CTNNA2: variants seen among roughly 807,000 people sequenced by gnomAD.
CTNNA2 encodes the protein catenin alpha-2.
A neutral mutation model predicts 101.0 loss-of-function variants in CTNNA2; 42 were observed. The ratio of observed to expected loss-of-function variants is 0.42; its 90% confidence interval spans 0.32 to 0.54. CTNNA2 has a LOEUF of 0.54. Among genes scored for constraint, CTNNA2 ranks in the 20% least tolerant of loss-of-function variants. The probability of loss-of-function intolerance (pLI) is 0.14; values close to 1 mark genes in which losing one functional copy is unlikely to be tolerated. For missense variants in CTNNA2, 871 were observed against 1,223.1 expected, an observed-to-expected ratio of 0.71 and a Z score of 4.29; for synonymous variants, 450 against 456.4, an observed-to-expected ratio of 0.99 and a Z score of 0.18.
chr2:80,076,129 C>T (rs1249018325), intron 7 of CTNNA2, among the ~76,000 whole-genome samples: 2 of 152,052 alleles, frequency 1.3e-5, no homozygotes, highest in Non-Finnish European at 2.9e-5. Flanking sequence ...GTCCTCCCCA[C>T]CTTCTCAAAA....
intron 18 of CTNNA2, among the ~76,000 whole-genome samples, chr2:80,631,873 A>G (rs1329847039): frequency 6.6e-6 from 1 of 151,962 alleles, no homozygotes; most frequent in Non-Finnish European, 1.5e-5. Flanking sequence ...AAAGTGATGT[A>G]GTACTTTTTG....
intron 8 of CTNNA2, among the ~76,000 whole-genome samples, chr2:80,417,807 A>T (rs538485932): frequency 6.6e-6 from 1 of 151,984 alleles, no homozygotes; most frequent in East Asian, 1.9e-4. Context: ...TCTTAATCTA[A>T]TTTTTCTTAT....
intron 1 of CTNNA2, among the ~76,000 whole-genome samples, chr2:79,528,007 G>C (rs540576520): frequency 6.6e-6 from 1 of 152,172 alleles, no homozygotes; most frequent in African/African-American, 2.4e-5. Context: ...ACTGATACAC[G>C]TGAAACGTGG....
chr2:79,745,292 A>G (rs7605616), intron 3 of CTNNA2, among the ~76,000 whole-genome samples: 8,502 of 152,064 alleles, frequency 0.056, 377 homozygotes, highest in African/African-American at 0.12. Context: ...TTAGCCGGGC[A>G]TGGCAGCGTG....
At chr2:79,330,989 T>G (rs1333948222) in intron 3 of CTNNA2, among the ~76,000 whole-genome samples, 2 of 152,192 alleles carry the variant, frequency 1.3e-5, no homozygotes, top group Non-Finnish European at 2.9e-5. Context: ...GCTCTTAAGT[T>G]AAAAAGGAAT....
chr2:80,590,184 A>G (rs1209797405), intron 15 of CTNNA2, among the ~76,000 whole-genome samples: 1 of 152,146 alleles, frequency 6.6e-6, no homozygotes, highest in Admixed American at 6.6e-5. Context: ...TCTCTTCTTT[A>G]AAAGAAGATG....
At chr2:80,061,319 A>C (rs568795937) in intron 7 of CTNNA2, among the ~76,000 whole-genome samples, 2 of 152,334 alleles carry the variant, frequency 1.3e-5, no homozygotes, top group Non-Finnish European at 2.9e-5. Flanking sequence ...AAAAAGAATG[A>C]GACAAAAAAG....
intron 3 of CTNNA2, among the ~76,000 whole-genome samples, chr2:79,791,318 T>C (rs552360226): frequency 3.5e-4 from 54 of 152,260 alleles, no homozygotes; most frequent in African/African-American, 1.2e-3. Flanking sequence ...TCCAGTTTAT[T>C]TTTCCCATTT....
At chr2:80,402,672 G>A (rs1678661399) in intron 8 of CTNNA2, among the ~76,000 whole-genome samples, 1 of 151,474 alleles carries the variant, frequency 6.6e-6, no homozygotes, top group Non-Finnish European at 1.5e-5. Context: ...TATCTACAAG[G>A]GTTTTAGGAA....
chr2:79,730,656 C>A (rs1687139333), intron 2 of CTNNA2, among the ~76,000 whole-genome samples: 1 of 151,936 alleles, frequency 6.6e-6, no homozygotes, highest in East Asian at 1.9e-4. Context: ...TTCATTATTT[C>A]TAAAAGTAGC....
chr2:79,315,179 C>T (rs191130721), intron 3 of CTNNA2, among the ~76,000 whole-genome samples: 2 of 151,940 alleles, frequency 1.3e-5, no homozygotes, highest in African/African-American at 4.8e-5. Flanking sequence ...ATAAGTTGGC[C>T]CCACCATTCT....
intron 3 of CTNNA2, among the ~76,000 whole-genome samples, chr2:79,817,191 A>C (rs12477505): frequency 0.97 from 146,811 of 152,020 alleles, 70,928 homozygotes; most frequent in East Asian, 1. Context: ...TCCCCCTACC[A>C]CAACCTCACA....
At chr2:79,332,111 G>A (rs1410788618) in intron 3 of CTNNA2, among the ~76,000 whole-genome samples, 1 of 151,990 alleles carries the variant, frequency 6.6e-6, no homozygotes, top group African/African-American at 2.4e-5. Context: ...AACAGTGAGG[G>A]GCAGCTGCCT....
At chr2:80,426,959 T>TC (rs933610453) in intron 9 of CTNNA2, among the ~76,000 whole-genome samples, 19 of 152,054 alleles carry the variant, frequency 1.2e-4, no homozygotes, top group African/African-American at 4.3e-4. Flanking sequence ...CTTCATGACA[T>TC]CCCTTTTACT....
intron 2 of CTNNA2, among the ~76,000 whole-genome samples, chr2:79,272,836 T>A (rs1465491873): frequency 6.6e-6 from 1 of 152,104 alleles, no homozygotes; most frequent in Non-Finnish European, 1.5e-5. Flanking sequence ...CCATTTACAT[T>A]TATTGAGATA....
chr2:79,373,863 G>A (rs1300705342), exon 4 of CTNNA2: 2 of 152,054 alleles, frequency 1.3e-5, no homozygotes, highest in Non-Finnish European at 2.9e-5. Context: ...CATTTAAGCA[G>A]CCAGCCTGGA....
At chr2:80,576,908 GT>G (rs1407318338) in intron 13 of CTNNA2, among the ~76,000 whole-genome samples, 1 of 151,974 alleles carries the variant, frequency 6.6e-6, no homozygotes, top group Non-Finnish European at 1.5e-5. Flanking sequence ...GGAGGTTACA[GT>G]TTAACTTCAC....
intron 12 of CTNNA2, among the ~76,000 whole-genome samples, chr2:80,558,926 G>A (rs72622684): frequency 0.059 from 8,978 of 152,164 alleles, 720 homozygotes; most frequent in African/African-American, 0.18. Flanking sequence ...CCTCTGTACT[G>A]TTGACACTTT....
At chr2:79,865,967 C>T (rs886263870) in intron 4 of CTNNA2, among the ~76,000 whole-genome samples, 2 of 152,242 alleles carry the variant, frequency 1.3e-5, no homozygotes, top group African/African-American at 4.8e-5. Flanking sequence ...GATCCGCCCG[C>T]CTCGGCCTCC....
Sources: allele counts gnomAD v4.1 joint callset (sites outside exome capture counted in the v4.1 genomes callset), GRCh38; gene constraint gnomAD v4.1.1; transcripts MANE v1.5; gene names NCBI Gene and HGNC (gene_info 2026-07-23, HGNC 2026-07-21).